The following CADM2 variants were observed in gnomAD, a reference collection of about 807,000 sequenced individuals.
CADM2 encodes the protein cell adhesion molecule 2.
CADM2 carries 12 observed loss-of-function variants against 49.8 expected under a neutral mutation model. The observed-to-expected ratio is 0.24, with a 90% confidence interval of 0.15 to 0.39. The LOEUF (loss-of-function observed/expected upper bound fraction) is 0.39, where lower values mean the gene tolerates loss of function less well. CADM2 is among the 10% of genes least tolerant of loss of function. The pLI is 1.00. For synonymous variants in CADM2, 214 were observed against 175.4 expected, an observed-to-expected ratio of 1.22 and a Z score of -1.74; for missense variants, 378 against 492.3, an observed-to-expected ratio of 0.77 and a Z score of 2.20.
At chr3:85,159,730 T>C (rs954340588) in intron 1 of CADM2, among the ~76,000 whole-genome samples, 1 of 152,188 alleles carries the variant, frequency 6.6e-6, no homozygotes, top group Non-Finnish European at 1.5e-5. Flanking sequence ...TTTTACTCCC[T>C]GGTTCCATGA....
chr3:85,715,564 G>A (rs1175670767), intron 1 of CADM2, among the ~76,000 whole-genome samples: 1 of 152,118 alleles, frequency 6.6e-6, no homozygotes, highest in Non-Finnish European at 1.5e-5. Context: ...GTGCAGGTTT[G>A]TTACATAGAT....
In CADM2 at chr3:86,051,059, T is replaced by C. The variant is rs186544979; in HGVS notation, c.971-14546T>C. Among the ~76,000 whole-genome samples the C allele has an allele frequency of 2.0e-5, 3 of 152,366 alleles. No individual in the cohort carries two copies. In the East Asian group the frequency reaches 5.8e-4, roughly 29 times the overall value. ...GAAAATTTTCCAAGCTTATATACTC[T>C]ACTTTCTTTTTTAAATATCAATTGC... On this transcript the variant is annotated intron_variant, in intron 8 of 9. Coordinates refer to ENST00000383699, the MANE Select transcript of CADM2 (RefSeq NM_001167675.2).
chr3:84,986,412 G>A (rs1282630558), intron 1 of CADM2, among the ~76,000 whole-genome samples: 1 of 152,134 alleles, frequency 6.6e-6, no homozygotes, highest in Non-Finnish European at 1.5e-5. Flanking sequence ...TATGGGGAAT[G>A]CAATTCTCAA....
intron 7 of CADM2, among the ~76,000 whole-genome samples, chr3:85,954,328 A>T (rs1444380900): frequency 6.6e-6 from 1 of 150,938 alleles, no homozygotes; most frequent in African/African-American, 2.4e-5. Flanking sequence ...ATAACAAAAA[A>T]CCCTTAGTGT....
chr3:85,008,598 A>G (rs2033850392), intron 1 of CADM2, among the ~76,000 whole-genome samples: 1 of 152,124 alleles, frequency 6.6e-6, no homozygotes, highest in South Asian at 2.1e-4. Context: ...AAGAGACAGA[A>G]GTAGAAATCA....
chr3:85,395,296 CAAAAAAAAAAA>C (rs58315220), intron 1 of CADM2, among the ~76,000 whole-genome samples: 1 of 75,542 alleles, frequency 1.3e-5, no homozygotes, highest in African/African-American at 4.3e-5. Context: ...AGACTCCATA[CAAAAAAAAAAA>C]AAAAAAAAAG....
intron 1 of CADM2, among the ~76,000 whole-genome samples, chr3:85,611,068 A>G (rs968535904): frequency 2.6e-5 from 4 of 151,954 alleles, no homozygotes; most frequent in African/African-American, 9.7e-5. Context: ...TATGAAACTA[A>G]TAGAATACAA....
At chr3:85,605,295 A>G in intron 1 of CADM2, among the ~76,000 whole-genome samples, 1 of 152,110 alleles carries the variant, frequency 6.6e-6, no homozygotes, top group East Asian at 1.9e-4. Flanking sequence ...CTTTCCAGTA[A>G]CACATATTCA....
At chr3:85,790,672 T>C (rs1202644866) in intron 2 of CADM2, among the ~76,000 whole-genome samples, 2 of 152,140 alleles carry the variant, frequency 1.3e-5, no homozygotes, top group African/African-American at 2.4e-5. Flanking sequence ...AACGCTAGGA[T>C]TCGGTCTACG....
chr3:85,657,777 C>CAGATATATATATATAT (rs1559574754), intron 1 of CADM2, among the ~76,000 whole-genome samples: 1 of 111,224 alleles, frequency 9.0e-6, no homozygotes, highest in South Asian at 3.0e-4. Flanking sequence ...TATATATATA[C>CAGATATATATATATAT]ATATACATGT....
chr3:85,078,244 A>G (rs2037024229), intron 1 of CADM2, among the ~76,000 whole-genome samples: 1 of 152,134 alleles, frequency 6.6e-6, no homozygotes, highest in African/African-American at 2.4e-5. Context: ...GAGAAAGAAC[A>G]GAAAATTCAT....
intron 5 of CADM2, among the ~76,000 whole-genome samples, chr3:85,903,744 G>T (rs1408530617): frequency 1.3e-5 from 2 of 152,120 alleles, no homozygotes; most frequent in Non-Finnish European, 2.9e-5. Context: ...TTTCTTTCCT[G>T]TTGTCTCTGT....
chr3:85,462,761 C>A (rs2038305849), intron 1 of CADM2, among the ~76,000 whole-genome samples: 1 of 152,112 alleles, frequency 6.6e-6, no homozygotes, highest in Admixed American at 6.6e-5. Context: ...ATTCAAAAAG[C>A]ATTAACACTG....
At chr3:85,632,955 G>T (rs542203169) in intron 1 of CADM2, among the ~76,000 whole-genome samples, 19 of 152,018 alleles carry the variant, frequency 1.2e-4, no homozygotes, top group African/African-American at 3.4e-4. Context: ...AATAACTTGA[G>T]TATTATTTTT....
At chr3:85,902,768 T>G (rs1023890975) in intron 5 of CADM2, among the ~76,000 whole-genome samples, 5 of 151,652 alleles carry the variant, frequency 3.3e-5, no homozygotes, top group African/African-American at 1.2e-4. Context: ...TATTAACTTA[T>G]CAGAATCTAA....
At chr3:85,692,304 T>C (rs2066412885) in intron 1 of CADM2, among the ~76,000 whole-genome samples, 1 of 152,152 alleles carries the variant, frequency 6.6e-6, no homozygotes. Context: ...GTAGGCTGAA[T>C]TTCTGGCCTA....
At chr3:85,241,132 T>C (rs1246901088) in intron 1 of CADM2, among the ~76,000 whole-genome samples, 1 of 151,526 alleles carries the variant, frequency 6.6e-6, no homozygotes, top group Non-Finnish European at 1.5e-5. Flanking sequence ...ATTATAAATG[T>C]AATAGACTTA....
chr3:85,402,676 C>T lies in CADM2; in HGVS notation c.62-323846C>T, dbSNP rs1020952644. On this transcript the variant is annotated intron_variant, in intron 1 of 9. Transcript: ENST00000383699. ...CTGCAATTTGAGTCTGGGAGGTCAC[C>T]AGAGGTCCTCCTCAAGACCAATTCA... is the stretch of plus-strand genomic sequence containing the variant. 3.3e-5 allele frequency among the ~76,000 whole-genome samples: 5 copies of T among 152,232 alleles called. No homozygotes were observed. The South Asian group carries it at 8.3e-4, about 25-fold the overall frequency.
chr3:86,021,251 C>T (rs1301200394), intron 8 of CADM2, among the ~76,000 whole-genome samples: 2 of 152,166 alleles, frequency 1.3e-5, no homozygotes, highest in Non-Finnish European at 2.9e-5. Context: ...TTGCCTGCCT[C>T]AGCCTCCCAA....
Sources: allele counts gnomAD v4.1 joint callset (sites outside exome capture counted in the v4.1 genomes callset), GRCh38; gene constraint gnomAD v4.1.1; transcripts MANE v1.5; gene names NCBI Gene and HGNC (gene_info 2026-07-23, HGNC 2026-07-21).